CHST8: variants seen among roughly 807,000 people sequenced by gnomAD.
CHST8 encodes GALNAC-4-ST1.
In CHST8, 10 loss-of-function variants were observed where a neutral mutation model predicts 15.0. The ratio of observed to expected loss-of-function variants is 0.67; its 90% CI spans 0.41 to 1.13. The LOEUF (loss-of-function observed/expected upper bound fraction) is 1.13, where lower values mean the gene tolerates loss of function less well. Ranked by LOEUF, CHST8 falls within the 50% of genes most tolerant of loss-of-function variation. CHST8 has a pLI of 0.00. For missense variants in CHST8, 634 were observed against 608.2 expected (o/e 1.04, Z -0.45); for synonymous variants, 259 against 256.6 (o/e 1.01, Z -0.09).
chr19:33,744,873 C>T (rs1347779106), intron 3 of CHST8, among the ~76,000 whole-genome samples: 1 of 152,148 alleles, frequency 6.6e-6, no homozygotes, highest in African/African-American at 2.4e-5. Context: ...CTCAGCCTCC[C>T]GAGTAGCTGG....
In CHST8 at chr19:33,693,037, G is replaced by A. The variant is rs1392367726; in HGVS notation, c.130+3646G>A. Among the ~76,000 whole-genome samples the A allele has an allele frequency of 5.8e-5, 8 of 138,996 alleles. No individual in the cohort carries two copies. The South Asian group carries it at 9.1e-4, about 16-fold the overall frequency. 91.2% of individuals were successfully genotyped at this position (138,996 alleles called of 152,430 possible). On this transcript the variant is annotated intron_variant, in intron 3 of 4. Coordinates refer to ENST00000650847, the MANE Select transcript of CHST8 (RefSeq NM_001127895.2). ...TTTTTTTTTTTTGAGATGGAGTTTC[G>A]TTCTTGTTGCCCAGGCTGGAGTGCA... is the stretch of plus-strand genomic sequence containing the variant.
intron 3 of CHST8, among the ~76,000 whole-genome samples, chr19:33,748,430 C>A (rs918907494): frequency 9.2e-5 from 14 of 152,362 alleles, no homozygotes; most frequent in African/African-American, 3.4e-4. Context: ...TTGGTGCCAG[C>A]GCCGCTGGGC....
chr19:33,629,596 C>T (rs1972097708), intron 1 of CHST8, among the ~76,000 whole-genome samples: 1 of 152,218 alleles, frequency 6.6e-6, no homozygotes, highest in African/African-American at 2.4e-5. Flanking sequence ...AGCAGGGAAG[C>T]AGGTCTGTGA....
intron 3 of CHST8, among the ~76,000 whole-genome samples, chr19:33,762,717 T>C (rs1041325032): frequency 6.6e-6 from 1 of 152,140 alleles, no homozygotes; most frequent in African/African-American, 2.4e-5. Context: ...CCATTTGGTG[T>C]GCACATTTGT....
intron 3 of CHST8, among the ~76,000 whole-genome samples, chr19:33,702,842 C>T (rs909364991): frequency 1.3e-5 from 2 of 152,224 alleles, no homozygotes. Context: ...GCGGAGGTCA[C>T]AATCTGTGCA....
intron 3 of CHST8, among the ~76,000 whole-genome samples, chr19:33,705,451 G>T (rs1018685401): frequency 2.0e-5 from 3 of 152,196 alleles, no homozygotes; most frequent in African/African-American, 7.2e-5. Context: ...GTTCTGGGGA[G>T]CGCACCTAAT....
intron 3 of CHST8, among the ~76,000 whole-genome samples, chr19:33,769,879 C>A (rs1278822771): frequency 6.6e-6 from 1 of 152,114 alleles, no homozygotes; most frequent in Admixed American, 6.5e-5. Context: ...CAGGGGAGAG[C>A]ATACCCTTGT....
chr19:33,686,440 C>T lies in CHST8; in HGVS notation c.-86-2736C>T, dbSNP rs761865700. Among the ~76,000 whole-genome samples, 11 of 152,212 alleles carry T rather than the reference C, an allele frequency of 7.2e-5. No individual in the cohort carries two copies. The East Asian group carries it at 1.4e-3, about 19-fold the overall frequency. On this transcript the variant is annotated intron_variant, in intron 2 of 4. Transcript: ENST00000650847. ...TTGACAGTGGATGTCGGTACTGGCTCGAATGGAGACAGACTGGGGAGAAGA... is the reference window on the plus strand; with the variant it reads ...TTGACAGTGGATGTCGGTACTGGCTTGAATGGAGACAGACTGGGGAGAAGA...
At chr19:33,627,171 G>T (rs977018181) in intron 1 of CHST8, among the ~76,000 whole-genome samples, 1 of 151,450 alleles carries the variant, frequency 6.6e-6, no homozygotes, top group African/African-American at 2.4e-5. Flanking sequence ...TGTGATCTCG[G>T]CTCACTGCAA....
chr19:33,672,002 G>A (rs780910284), intron 2 of CHST8, among the ~76,000 whole-genome samples: 6 of 151,654 alleles, frequency 4.0e-5, no homozygotes, highest in Non-Finnish European at 8.8e-5. Context: ...TCTTCTTTAT[G>A]TTATTTACCT....
chr19:33,640,339 T>C (rs927645437), intron 1 of CHST8, among the ~76,000 whole-genome samples: 3 of 152,188 alleles, frequency 2.0e-5, no homozygotes, highest in Non-Finnish European at 4.4e-5. Flanking sequence ...TTGCCAACCC[T>C]GTGGGGACAG....
chr19:33,634,298 A>G (rs1972162650), intron 1 of CHST8, among the ~76,000 whole-genome samples: 1 of 152,158 alleles, frequency 6.6e-6, no homozygotes, highest in Admixed American at 6.5e-5. Flanking sequence ...CGTGGTTTTA[A>G]TTTTATTTCT....
At chr19:33,677,883 A>G (rs899893701) in intron 2 of CHST8, among the ~76,000 whole-genome samples, 1 of 152,186 alleles carries the variant, frequency 6.6e-6, no homozygotes, top group African/African-American at 2.4e-5. Context: ...ATATTCACAG[A>G]TCTGGTGGAC....
chr19:33,718,547 C>T (rs905982373), intron 3 of CHST8, among the ~76,000 whole-genome samples: 1 of 152,212 alleles, frequency 6.6e-6, no homozygotes, highest in Admixed American at 6.5e-5. Context: ...TGCTCCCACC[C>T]TCCGTCCCCT....
chr19:33,647,735 A>G (rs1341350518), intron 1 of CHST8, among the ~76,000 whole-genome samples: 1 of 152,012 alleles, frequency 6.6e-6, no homozygotes, highest in South Asian at 2.1e-4. Context: ...AATCCCAGCT[A>G]CTAGGGAGGC....
intron 1 of CHST8, among the ~76,000 whole-genome samples, chr19:33,626,411 T>A (rs1177243250): frequency 2.0e-5 from 3 of 151,758 alleles, no homozygotes; most frequent in Non-Finnish European, 4.4e-5. Flanking sequence ...AAAGCCACCT[T>A]TTAGGAAGTC....
At chr19:33,690,394 G>GTCTT (rs969834015) in intron 3 of CHST8, among the ~76,000 whole-genome samples, 14 of 152,174 alleles carry the variant, frequency 9.2e-5, no homozygotes, top group African/African-American at 3.4e-4. Context: ...ACAGGAAGGG[G>GTCTT]TCTTACTCTG....
intron 1 of CHST8, among the ~76,000 whole-genome samples, chr19:33,654,472 T>C (rs1186580108): frequency 2.0e-5 from 3 of 152,142 alleles, no homozygotes; most frequent in Admixed American, 6.5e-5. Context: ...CTTTTAAACA[T>C]TGGTAGCCCT....
At position 33,668,872 on chromosome 19, in the gene CHST8, C is replaced by G. The variant is rs548041996; in HGVS notation, c.-87+1029C>G. On this transcript the variant is annotated intron_variant, in intron 2 of 4. Transcript: ENST00000650847. ...GCCATTTATACTGTGGTTCCCATCA[C>G]GGGTCAAAAACAAGCATTTTCTGTT... Among the ~76,000 whole-genome samples, 9 of 152,010 alleles carry G rather than the reference C, an allele frequency of 5.9e-5. No individual in the cohort carries two copies. The East Asian group carries it at 1.7e-3, about 29-fold the overall frequency.
Sources: allele counts gnomAD v4.1 joint callset (sites outside exome capture counted in the v4.1 genomes callset), GRCh38; gene constraint gnomAD v4.1.1; transcripts MANE v1.5; gene names NCBI Gene and HGNC (gene_info 2026-07-23, HGNC 2026-07-21).